CCPG1: variants seen among roughly 807,000 people sequenced by gnomAD.
CCPG1 encodes the protein cell cycle progression 1, also known as cell cycle progression protein 1.
In CCPG1, 46 loss-of-function variants were observed where a neutral mutation model predicts 81.3. The ratio of observed to expected loss-of-function variants is 0.57; its 90% CI spans 0.45 to 0.72. The LOEUF (loss-of-function observed/expected upper bound fraction) is 0.72, where lower values mean the gene tolerates loss of function less well. CCPG1 is among the 30% of genes least tolerant of loss of function. The pLI is 0.00. For missense variants in CCPG1, 902 were observed against 937.6 expected, an observed-to-expected ratio of 0.96 and a Z score of 0.50; for synonymous variants, 330 against 305.2, an observed-to-expected ratio of 1.08 and a Z score of -0.85.
rs1475871298 is a variant in CCPG1 at position 55,370,485 on chromosome 15, C to T, written c.706+1308G>A. The stretch of plus-strand genomic sequence containing the variant: ...TCAAATACTCCAGTCATTGTACAAA[C>T]ACATACCTTAAATAAGAGACTCAGG... On this transcript the variant is annotated intron_variant, in intron 6 of 8. Transcript: ENST00000442196. Among the ~76,000 whole-genome samples the T allele has an allele frequency of 1.1e-4, 17 of 152,240 alleles. No homozygotes were observed. In the South Asian group the frequency reaches 3.5e-3, roughly 32 times the overall value.
At position 55,387,587 on chromosome 15, in the gene CCPG1, C is replaced by A. The variant is rs2056825461; in HGVS notation, c.60+1778G>T. Among the ~76,000 whole-genome samples the A allele has an allele frequency of 2.6e-5, 4 of 151,626 alleles. No homozygotes were observed. The South Asian group carries it at 8.3e-4, about 32-fold the overall frequency. On this transcript the variant is annotated intron_variant, in intron 2 of 8. Coordinates refer to ENST00000442196, the MANE Select transcript of CCPG1 (RefSeq NM_001204450.2). ...TTGAGACAGTTTCACTCTTGTTGCCCAGGCTGGAGTGCAATGGCACGAACT... is the reference window on the plus strand; with the variant it reads ...TTGAGACAGTTTCACTCTTGTTGCCAAGGCTGGAGTGCAATGGCACGAACT...
At chr15:55,385,832 G>T (rs951715014) in intron 2 of CCPG1, 118 bp from the exon 3 acceptor site, 10 of 673,676 alleles carry the variant, frequency 1.5e-5, no homozygotes, top group Middle Eastern at 3.4e-4. Flanking sequence ...TACTCCAAAG[G>T]AACAGTATCT....
intron 5 of CCPG1, among the ~76,000 whole-genome samples, chr15:55,375,910 G>A (rs919292230): frequency 5.9e-5 from 9 of 151,962 alleles, no homozygotes; most frequent in African/African-American, 2.2e-4. Flanking sequence ...GGCTGGTCTC[G>A]AAATCCTGGG....
At chr15:55,359,032 A>T (rs1309441320) in intron 8 of CCPG1, 1 of 983,352 alleles carries the variant, frequency 1.0e-6, no homozygotes. Context: ...TACCTTTATC[A>T]AAGATAATTA....
chr15:55,363,600 G>A (rs969420539), intron 7 of CCPG1, among the ~76,000 whole-genome samples: 1 of 150,306 alleles, frequency 6.7e-6, no homozygotes, highest in Non-Finnish European at 1.5e-5. Flanking sequence ...TCCTCTGATG[G>A]CAGAAGCTAG....
intron 2 of CCPG1, 57 bp downstream of exon 2, chr15:55,389,308 C>T (rs1198645930): frequency 3.3e-6 from 4 of 1,200,648 alleles, no homozygotes; most frequent in Non-Finnish European, 2.5e-6. Flanking sequence ...ACACAGTTTA[C>T]ATCACTGGTA....
chr15:55,403,952 TAA>T (rs2057170950), intron 1 of CCPG1, among the ~76,000 whole-genome samples: 1 of 152,226 alleles, frequency 6.6e-6, no homozygotes, highest in Non-Finnish European at 1.5e-5. Flanking sequence ...ACCTAATTTT[TAA>T]AAGTCTTTCT....
intron 8 of CCPG1, 102 bp from the exon 9 acceptor site, chr15:55,356,511 G>A (rs1180961113): frequency 7.9e-7 from 1 of 1,273,738 alleles, no homozygotes; most frequent in South Asian, 1.8e-5. Flanking sequence ...TCTGAACACT[G>A]ATAAAAGATA....
chr15:55,400,449 AGT>A (rs920810484), intron 1 of CCPG1, among the ~76,000 whole-genome samples: 1 of 151,776 alleles, frequency 6.6e-6, no homozygotes, highest in African/African-American at 2.4e-5. Context: ...TGGGGGTTGC[AGT>A]GAGCCGAGAT....
intron 1 of CCPG1, among the ~76,000 whole-genome samples, chr15:55,406,128 G>A (rs1044803245): frequency 6.6e-6 from 1 of 152,000 alleles, no homozygotes; most frequent in Non-Finnish European, 1.5e-5. Context: ...GCTTCCCAAA[G>A]TCCTGGGATT....
At chr15:55,379,368 A>G in intron 3 of CCPG1, among the ~76,000 whole-genome samples, 1 of 151,926 alleles carries the variant, frequency 6.6e-6, no homozygotes, top group Non-Finnish European at 1.5e-5. Flanking sequence ...ACAAAAATAA[A>G]AATTAAAAAA....
intron 1 of CCPG1, among the ~76,000 whole-genome samples, chr15:55,392,041 A>AG: frequency 6.6e-6 from 1 of 151,886 alleles, no homozygotes; most frequent in East Asian, 1.9e-4. Context: ...AAAAAAAAAA[A>AG]AAAAATCAAA....
intron 3 of CCPG1, among the ~76,000 whole-genome samples, chr15:55,384,787 A>T (rs1205151799): frequency 6.6e-6 from 1 of 152,214 alleles, no homozygotes. Flanking sequence ...GGTTGCCACA[A>T]ACTTTCAATT....
intron 1 of CCPG1, among the ~76,000 whole-genome samples, chr15:55,406,288 A>C (rs755993278): frequency 2.0e-5 from 3 of 151,818 alleles, no homozygotes; most frequent in Non-Finnish European, 4.4e-5. Context: ...AAACTCTCAA[A>C]GTGCTGTTAA....
chr15:55,407,651 C>T (rs1048287387), intron 1 of CCPG1, among the ~76,000 whole-genome samples: 2 of 152,104 alleles, frequency 1.3e-5, no homozygotes, highest in African/African-American at 4.8e-5. Context: ...TTAGGGAGAC[C>T]AAAGCTAAAG....
chr15:55,404,853 C>T (rs1329762479), intron 1 of CCPG1, among the ~76,000 whole-genome samples: 1 of 152,202 alleles, frequency 6.6e-6, no homozygotes, highest in Non-Finnish European at 1.5e-5. Flanking sequence ...AACCGGATCA[C>T]GCATTCAGGA....
rs2056158620 is a variant in CCPG1 at position 55,360,011 on chromosome 15, T to C, written c.1762A>G (p.Met588Val). 2 of 1,613,148 alleles carry C rather than the reference T, an allele frequency of 1.2e-6. No individual in the cohort carries two copies. Among genetic ancestry groups the C allele is most frequent in the Non-Finnish European group, 1.7e-6 (2 of 1,179,860 alleles). Residue 588 changes from methionine to valine, a missense_variant, in exon 8 of 9, where the codon ATG becomes GTG. By Grantham distance (21) the Met-to-Val change is conservative. This residue lies in a region of CCPG1 where 746 missense variants were observed against 728.6 expected (regional missense o/e 1.02). Transcript: ENST00000442196. ...TTTTCTTTCCTTCCATCATTTTGCA[T>C]AGTAGGGCCTCTATTATGATGGTTT... is the stretch of plus-strand genomic sequence containing the variant. ...TENHHNRGPT[M>V]QNDGRKEKPV...
chr15:55,407,982 A>G (rs1175709359), intron 1 of CCPG1: 1 of 152,254 alleles, frequency 6.6e-6, no homozygotes, highest in Non-Finnish European at 1.5e-5. Context: ...GGAGGCTGCA[A>G]GACCACCGGA....
rs983110728 is a variant in CCPG1, at chr15:55,357,146, G to C, written c.2235-737C>G. On this transcript the variant is annotated intron_variant, in intron 8 of 8. Coordinates refer to ENST00000442196, the MANE Select transcript of CCPG1 (RefSeq NM_001204450.2). The stretch of plus-strand genomic sequence containing the variant: ...AACTGCCAACTAACCCTCTCCACTT[G>C]AATGTCAGTAGTTACCTCCAAACAC... 76 of 965,832 alleles carry C rather than the reference G, an allele frequency of 7.9e-5. 1 individual carries two copies. Among genetic ancestry groups the C allele is most frequent in the Non-Finnish European group, 1.7e-5 (14 of 812,434 alleles). 59.8% of individuals were successfully genotyped at this position (965,832 alleles called of 1,614,324 possible). A position where few individuals can be genotyped will look rare whatever the true frequency, so the allele number is the denominator to read the frequency against.
Sources: allele counts gnomAD v4.1 joint callset (sites outside exome capture counted in the v4.1 genomes callset), GRCh38; gene constraint gnomAD v4.1.1; regional missense constraint gnomAD v4.1.1; transcripts MANE v1.5; gene names NCBI Gene and HGNC (gene_info 2026-07-23, HGNC 2026-07-21).